PTPRG: variants seen among roughly 807,000 people sequenced by gnomAD.
The protein encoded by PTPRG is receptor-type tyrosine-protein phosphatase gamma.
A neutral mutation model predicts 165.3 loss-of-function variants in PTPRG; 102 were observed. The observed-to-expected ratio is 0.62, with a 90% confidence interval of 0.53 to 0.73. The LOEUF (loss-of-function observed/expected upper bound fraction) is 0.73. Among genes scored for constraint, PTPRG ranks in the 30% least tolerant of loss-of-function variants. The pLI, the probability that PTPRG is intolerant of heterozygous loss-of-function variation, is 0.00. For synonymous variants in PTPRG, 675 were observed against 669.5 expected (o/e 1.01, Z -0.13); for missense variants, 1,866 against 1,861.4 (o/e 1.00, Z -0.05).
intron 1 of PTPRG, among the ~76,000 whole-genome samples, chr3:61,608,674 TG>T: frequency 6.6e-6 from 1 of 152,274 alleles, no homozygotes; most frequent in South Asian, 2.1e-4. Context: ...CTCCCATTTG[TG>T]TGAAACAATA....
chr3:61,663,620 A>T (rs1237384909), intron 1 of PTPRG, among the ~76,000 whole-genome samples: 1 of 152,080 alleles, frequency 6.6e-6, no homozygotes, highest in Non-Finnish European at 1.5e-5. Flanking sequence ...TATTTCTATT[A>T]TTACTATATT....
chr3:61,562,677 C>T (rs1032128616), intron 1 of PTPRG, among the ~76,000 whole-genome samples: 4 of 151,872 alleles, frequency 2.6e-5, no homozygotes, highest in African/African-American at 9.7e-5. Context: ...GGGGGACTTG[C>T]TTTGCTGACT....
At chr3:61,568,220 T>C (rs1053569729) in intron 1 of PTPRG, among the ~76,000 whole-genome samples, 3 of 152,244 alleles carry the variant, frequency 2.0e-5, no homozygotes, top group African/African-American at 7.2e-5. Flanking sequence ...TCCTTGCTTT[T>C]CCCTACAATT....
At chr3:61,795,040 A>G (rs928646620) in intron 2 of PTPRG, among the ~76,000 whole-genome samples, 3 of 152,224 alleles carry the variant, frequency 2.0e-5, no homozygotes, top group African/African-American at 7.2e-5. Context: ...TTCATTGCAT[A>G]CTTAATATAT....
chr3:61,670,337 G>T (rs1366536219), intron 1 of PTPRG, among the ~76,000 whole-genome samples: 1 of 152,180 alleles, frequency 6.6e-6, no homozygotes, highest in Admixed American at 6.5e-5. Context: ...ATCTAAGAAT[G>T]TCTGCCAGTA....
chr3:61,805,933 G>A (rs2035400684), intron 2 of PTPRG, among the ~76,000 whole-genome samples: 2 of 152,022 alleles, frequency 1.3e-5, no homozygotes, highest in African/African-American at 2.4e-5. Context: ...CTTATGTTGT[G>A]GGCTGTGTTT....
intron 4 of PTPRG, among the ~76,000 whole-genome samples, chr3:62,053,126 A>T (rs1700516484): frequency 1.3e-5 from 2 of 152,064 alleles, no homozygotes; most frequent in Admixed American, 1.3e-4. Flanking sequence ...CTAAGGATAC[A>T]TCAAACTCTT....
At chr3:62,081,264 ACAAACAAAC>A (rs200514157) in intron 5 of PTPRG, among the ~76,000 whole-genome samples, 23,490 of 135,554 alleles carry the variant, frequency 0.17, 2,576 homozygotes, top group South Asian at 0.3. Flanking sequence ...CTCAAAACAA[ACAAACAAAC>A]AAACAAACAA....
chr3:61,830,432 T>C (rs1384136932), intron 2 of PTPRG, among the ~76,000 whole-genome samples: 3 of 152,302 alleles, frequency 2.0e-5, no homozygotes, highest in Non-Finnish European at 4.4e-5. Flanking sequence ...TCTATAGATA[T>C]CTTTTAAATA....
At chr3:62,125,917 G>A (rs901658948) in intron 5 of PTPRG, among the ~76,000 whole-genome samples, 5 of 152,122 alleles carry the variant, frequency 3.3e-5, no homozygotes, top group African/African-American at 1.2e-4. Flanking sequence ...CTGAAACACA[G>A]TGTATTAAAA....
chr3:61,786,367 C>T (rs1468712084), intron 2 of PTPRG, among the ~76,000 whole-genome samples: 4 of 152,132 alleles, frequency 2.6e-5, no homozygotes, highest in African/African-American at 4.8e-5. Context: ...GCACATGATA[C>T]GAATAAACTT....
intron 2 of PTPRG, among the ~76,000 whole-genome samples, chr3:61,875,760 T>C (rs952755218): frequency 6.6e-6 from 1 of 152,154 alleles, no homozygotes; most frequent in African/African-American, 2.4e-5. Context: ...GAGATGTAAC[T>C]GGAGAACAAA....
intron 5 of PTPRG, among the ~76,000 whole-genome samples, chr3:62,128,258 A>G (rs1013812167): frequency 4.2e-4 from 64 of 152,148 alleles, no homozygotes; most frequent in Non-Finnish European, 2.8e-4. Flanking sequence ...AGTCCATTTT[A>G]AGCTCATTTG....
intron 2 of PTPRG, among the ~76,000 whole-genome samples, chr3:61,966,744 A>G (rs1367664674): frequency 6.6e-6 from 1 of 152,114 alleles, no homozygotes; most frequent in Non-Finnish European, 1.5e-5. Context: ...GTGGCTCTAG[A>G]ATTTCTATAT....
chr3:61,761,233 T>G (rs1305770907), intron 2 of PTPRG, among the ~76,000 whole-genome samples: 1 of 152,156 alleles, frequency 6.6e-6, no homozygotes, highest in African/African-American at 2.4e-5. Context: ...TAAAAGCATT[T>G]CTGTTTCTCT....
chr3:61,976,532 A>G (rs935185539), intron 2 of PTPRG, among the ~76,000 whole-genome samples: 1 of 152,260 alleles, frequency 6.6e-6, no homozygotes. Flanking sequence ...TTAGCAACCT[A>G]CAGGGTTCTC....
intron 4 of PTPRG, among the ~76,000 whole-genome samples, chr3:62,050,374 A>G (rs1244021936): frequency 1.3e-5 from 2 of 152,250 alleles, no homozygotes; most frequent in African/African-American, 4.8e-5. Flanking sequence ...TTTGTAGCCT[A>G]GGAGCAGTAG....
chr3:62,023,724 A>G (rs1229536034), intron 4 of PTPRG, among the ~76,000 whole-genome samples: 1 of 152,186 alleles, frequency 6.6e-6, no homozygotes, highest in Non-Finnish European at 1.5e-5. Context: ...TACCTGGCAA[A>G]ACCAAGTCTT....
intron 2 of PTPRG, among the ~76,000 whole-genome samples, chr3:61,814,361 C>T (rs550522633): frequency 3.3e-5 from 5 of 152,294 alleles, no homozygotes; most frequent in South Asian, 2.1e-4. Flanking sequence ...TGGAGTATTC[C>T]ACTTCTCGTA....
Sources: gnomAD v4.1 joint callset for allele counts (sites outside exome capture counted in the v4.1 genomes callset) on GRCh38, gnomAD v4.1.1 for gene constraint, MANE v1.5 for transcripts, NCBI Gene and HGNC (gene_info 2026-07-23, HGNC 2026-07-21) for gene names.